GSN: variants seen among roughly 807,000 people sequenced by gnomAD.
GSN encodes the protein actin-depolymerizing factor.
GSN carries 56 observed loss-of-function variants against 85.7 expected under a neutral mutation model. That is an observed-to-expected ratio of 0.65 (90% CI 0.53 to 0.82). The LOEUF is 0.82. Among genes scored for constraint, GSN ranks in the 40% least tolerant of loss-of-function variants. The pLI is 0.00. For synonymous variants in GSN, 373 were observed against 399.1 expected, an observed-to-expected ratio of 0.93 and a Z score of 0.78; for missense variants, 857 against 979.8, an observed-to-expected ratio of 0.87 and a Z score of 1.67.
the GSN span, chr9:121,201,858 C>G: frequency 6.6e-6 from 1 of 152,446 alleles, no homozygotes; most frequent in Non-Finnish European, 1.5e-5. Flanking sequence ...CTTCCTCGGG[C>G]TGGTCCAAGA....
intron 3 of GSN, 147 bp downstream of exon 3, chr9:121,302,314 G>C: frequency 1.1e-6 from 1 of 933,970 alleles, no homozygotes; most frequent in Non-Finnish European, 1.7e-6. Context: ...TGAGACGCTA[G>C]AGCCAGCCTG....
Position 121,312,375 on chromosome 9 carries a change from T to C in GSN, c.550T>C (p.Tyr184His). 6.2e-7 allele frequency: 1 copy of C among 1,614,082 alleles called. No homozygotes were observed. Among genetic ancestry groups the C allele is most frequent in the Admixed American group, 1.7e-5 (1 of 60,024 alleles). Reference sequence around the variant, plus strand: ...GTGGTGTGGTTCCAACAGCAATCGGTATGAAAGACTGAAGGCCACACAGGT... The same window carrying C: ...GTGGTGTGGTTCCAACAGCAATCGGCATGAAAGACTGAAGGCCACACAGGT... ...HQWCGSNSNR[Y>H]ERLKATQVSK... The change falls in exon 6 of 18, where the codon TAT becomes CAT. Residue 184 changes from tyrosine to histidine, a missense_variant. Tyr to His is a moderately conservative substitution (Grantham distance 83). Transcript: ENST00000432226.
intron 1 of GSN, among the ~76,000 whole-genome samples, chr9:121,269,600 G>A (rs1005719929): frequency 6.6e-6 from 1 of 152,150 alleles, no homozygotes; most frequent in Non-Finnish European, 1.5e-5. Flanking sequence ...GGGTGGGAAC[G>A]GTCGGCTTTC....
At chr9:121,321,473 T>C in intron 11 of GSN, 72 bp downstream of exon 11, 1 of 1,457,450 alleles carries the variant, frequency 6.9e-7, no homozygotes, top group Non-Finnish European at 9.5e-7. Flanking sequence ...GAAGACAAAC[T>C]GAGGGTGTGA....
intron 2 of GSN, among the ~76,000 whole-genome samples, chr9:121,292,823 C>T (rs974612427): frequency 1.3e-5 from 2 of 152,170 alleles, no homozygotes; most frequent in African/African-American, 4.8e-5. Flanking sequence ...CCCTCTTCCC[C>T]GCACCTGCCC....
At chr9:121,251,500 T>A (rs1466524665) in intron 6 of GSN, among the ~76,000 whole-genome samples, 2 of 152,004 alleles carry the variant, frequency 1.3e-5, no homozygotes, top group East Asian at 3.9e-4. Context: ...CCCAGCCTGA[T>A]GTTCATTTTT....
At chr9:121,210,555 CT>C (rs1476292128) in intron 3 of GSN, among the ~76,000 whole-genome samples, 1 of 152,200 alleles carries the variant, frequency 6.6e-6, no homozygotes, top group African/African-American at 2.4e-5. Flanking sequence ...TCTGGCTGAT[CT>C]GGGGCCTTCT....
chr9:121,300,195 G>C (rs1220162784), intron 2 of GSN: 1 of 1,100,102 alleles, frequency 9.1e-7, no homozygotes, highest in Non-Finnish European at 1.4e-6. Context: ...GGCCCTGGCT[G>C]TTCCTTCCCA....
intron 5 of GSN, among the ~76,000 whole-genome samples, chr9:121,237,265 C>T (rs967573593): frequency 5.3e-5 from 8 of 152,118 alleles, no homozygotes; most frequent in African/African-American, 1.9e-4. Flanking sequence ...AGTAGGCAGT[C>T]AAAATCATCT....
intron 5 of GSN, among the ~76,000 whole-genome samples, chr9:121,235,970 A>C (rs562942252): frequency 2.6e-5 from 4 of 152,334 alleles, no homozygotes; most frequent in Admixed American, 6.5e-5. Flanking sequence ...CTGCCATAAC[A>C]AAGTATCATG....
At chr9:121,205,397 T>C (rs1351602309), upstream of GSN, among the ~76,000 whole-genome samples, 1 of 152,194 alleles carries the variant, frequency 6.6e-6, no homozygotes, top group Admixed American at 6.5e-5. Flanking sequence ...TGCAGGAAGA[T>C]GGGACTGACA....
intron 4 of GSN, among the ~76,000 whole-genome samples, chr9:121,217,018 A>G (rs2054076302): frequency 6.6e-6 from 1 of 151,994 alleles, no homozygotes; most frequent in Non-Finnish European, 1.5e-5. Flanking sequence ...CTTCCACTTT[A>G]TTTAGATTTT....
At chr9:121,228,575 A>G (rs1374180538) in intron 4 of GSN, among the ~76,000 whole-genome samples, 2 of 151,284 alleles carry the variant, frequency 1.3e-5, no homozygotes, top group Non-Finnish European at 2.9e-5. Context: ...CTGGGACTAC[A>G]GGTGTGTGCC....
chr9:121,212,952 G>C (rs2053994360), intron 4 of GSN, among the ~76,000 whole-genome samples: 1 of 152,026 alleles, frequency 6.6e-6, no homozygotes, highest in Admixed American at 6.6e-5. Context: ...CCTGGCTCTT[G>C]CTCTTGACAA....
At chr9:121,294,348 C>G (rs4836846) in intron 2 of GSN, among the ~76,000 whole-genome samples, 110,434 of 152,092 alleles carry the variant, frequency 0.73, 40,439 homozygotes, top group South Asian at 0.81. Context: ...TGGCTACTGA[C>G]CCACCACACC....
Position 121,317,095 on chromosome 9 carries a change from G to A in GSN, c.763G>A (p.Gly255Ser). 6.2e-7 allele frequency: 1 copy of A among 1,614,204 alleles called. No homozygotes were observed. The highest frequency in any genetic ancestry group is 8.5e-7 in the Non-Finnish European group (1 of 1,180,036). ...KLAKLYKVSN[G>S]AGTMSVSLVA... ...TGCTTCGTCCCCTCAGGTCTCCAAT[G>A]GTGCAGGGACCATGTCCGTCTCCCT... The change falls in exon 8 of 18, where the codon GGT becomes AGT. Residue 255 changes from glycine to serine, a missense_variant. Coordinates refer to ENST00000432226, the MANE Select transcript of GSN (RefSeq NM_198252.3).
At chr9:121,300,812 G>C (rs1564473132) in intron 2 of GSN, among the ~76,000 whole-genome samples, 1 of 152,148 alleles carries the variant, frequency 6.6e-6, no homozygotes, top group Non-Finnish European at 1.5e-5. Flanking sequence ...CAGCGCAGGA[G>C]GCCACTTGGA....
intron 12 of GSN, 145 bp from the exon 13 acceptor site, chr9:121,326,367 C>T (rs2063165412): frequency 4.1e-6 from 3 of 732,572 alleles, no homozygotes; most frequent in African/African-American, 1.7e-5. Flanking sequence ...TCTGGTGTCC[C>T]TGCCTGTGTG....
chr9:121,325,177 G>T (rs1316818943), intron 12 of GSN, among the ~76,000 whole-genome samples: 1 of 152,208 alleles, frequency 6.6e-6, no homozygotes, highest in East Asian at 1.9e-4. Flanking sequence ...TAAGCATTTA[G>T]AATCATGCCT....
Sources: gnomAD v4.1 joint callset for allele counts (sites outside exome capture counted in the v4.1 genomes callset) on GRCh38, gnomAD v4.1.1 for gene constraint, MANE v1.5 for transcripts, NCBI Gene and HGNC (gene_info 2026-07-23, HGNC 2026-07-21) for gene names.